The following ADAMTS9 variants were observed in gnomAD, a reference collection of about 807,000 sequenced individuals.
The protein encoded by ADAMTS9 is ADAM metallopeptidase with thrombospondin type 1 motif 9.
A neutral mutation model predicts 257.1 loss-of-function variants in ADAMTS9; 107 were observed. That is an observed-to-expected ratio of 0.42 (90% CI 0.36 to 0.49). The LOEUF is 0.49. Ranked by LOEUF, ADAMTS9 falls within the 20% of genes least tolerant of loss-of-function variation. The pLI is 0.03. For missense variants in ADAMTS9, 2,353 were observed against 2,469.1 expected (o/e 0.95, Z 1.00); for synonymous variants, 982 against 880.9 (o/e 1.11, Z -2.03).
intron 29 of ADAMTS9, chr3:64,565,911 A>T (rs1456333903): frequency 6.6e-6 from 1 of 152,216 alleles, no homozygotes; most frequent in Non-Finnish European, 1.5e-5. Context: ...AAGACACAGA[A>T]GTGAAATATT....
chr3:64,534,444 G>A (rs7625847), intron 37 of ADAMTS9, among the ~76,000 whole-genome samples: 110,917 of 152,108 alleles, frequency 0.73, 42,865 homozygotes, highest in Non-Finnish European at 0.86. Flanking sequence ...TCTCTTCAAT[G>A]TAACAGTAAG....
At chr3:64,603,241 A>G (rs2084497758) in intron 25 of ADAMTS9, among the ~76,000 whole-genome samples, 1 of 152,168 alleles carries the variant, frequency 6.6e-6, no homozygotes, top group South Asian at 2.1e-4. Context: ...CTGGGTTTTT[A>G]CAGAGCTCTG....
rs141671837 is a variant in ADAMTS9, at chr3:64,553,812, A to G, written c.4699-2750T>C. 1.4e-3 allele frequency among the ~76,000 whole-genome samples: 210 copies of G among 152,256 alleles called. 2 individuals carry two copies. Among genetic ancestry groups the G allele is most frequent in the South Asian group, 0.011 (55 of 4,818 alleles). ...GCATGGAGGAGCAGAATCATTTCAA[A>G]TTAGTGCAGGAGGCCGGCTGAGCCC... On this transcript the variant is annotated intron_variant, in intron 30 of 39. Transcript: ENST00000498707.
intron 11 of ADAMTS9, among the ~76,000 whole-genome samples, chr3:64,644,948 G>A (rs1161136544): frequency 2.0e-5 from 3 of 152,084 alleles, no homozygotes; most frequent in African/African-American, 7.2e-5. Flanking sequence ...AACTGATATG[G>A]AAATTAAATA....
chr3:64,680,414 G>T (rs1344899760), intron 3 of ADAMTS9, among the ~76,000 whole-genome samples: 1 of 152,106 alleles, frequency 6.6e-6, no homozygotes, highest in Non-Finnish European at 1.5e-5. Context: ...CCAAATTGAG[G>T]AATTATTTCA....
At chr3:64,585,943 G>A (rs1036684959) in intron 28 of ADAMTS9, among the ~76,000 whole-genome samples, 1 of 152,016 alleles carries the variant, frequency 6.6e-6, no homozygotes, top group Non-Finnish European at 1.5e-5. Flanking sequence ...AATATTAATA[G>A]TTACACTCTG....
At chr3:64,573,280 C>T (rs2083744926) in intron 28 of ADAMTS9, among the ~76,000 whole-genome samples, 1 of 151,992 alleles carries the variant, frequency 6.6e-6, no homozygotes, top group South Asian at 2.1e-4. Context: ...GATTCCCATT[C>T]CCAAGTGGTC....
rs775367607 is a variant in ADAMTS9 at position 64,686,821 on chromosome 3, G to C, written c.263C>G (p.Ser88Cys). The C allele has an allele frequency of 1.2e-6, 2 of 1,614,138 alleles. No individual in the cohort carries two copies. Among genetic ancestry groups the C allele is most frequent in the Non-Finnish European group, 8.5e-7 (1 of 1,180,014 alleles). Residue 88 changes from serine to cysteine, a missense_variant, in exon 2 of 40, where the codon TCC (serine) becomes TGC (cysteine). Coordinates refer to ENST00000498707, the MANE Select transcript of ADAMTS9 (RefSeq NM_182920.2). This position sits in a 1 kb window ranked among gnomAD's most constrained non-coding sequence, Gnocchi z 4.6. ...SATDPWPAFA[S>C]SSSSSTSSQA... Reference sequence around the variant, plus strand: ...GGAGGAGGTAGAGGAGGAAGAGGAGGAGGCGAAGGCAGGCCAGGGGTCAGT... The same window carrying C: ...GGAGGAGGTAGAGGAGGAAGAGGAGCAGGCGAAGGCAGGCCAGGGGTCAGT...
intron 28 of ADAMTS9, among the ~76,000 whole-genome samples, chr3:64,581,738 C>T (rs1482716769): frequency 6.6e-6 from 1 of 152,192 alleles, no homozygotes; most frequent in Non-Finnish European, 1.5e-5. Flanking sequence ...ATCCACTTCC[C>T]TTATGGAAAA....
At chr3:64,522,395 CAT>C in intron 38 of ADAMTS9, 135 bp from the exon 39 acceptor site, 1 of 713,576 alleles carries the variant, frequency 1.4e-6, no homozygotes. Context: ...ACATACTCAC[CAT>C]GGTCTAAAGC....
At chr3:64,556,368 C>T (rs1576013306) in intron 30 of ADAMTS9, among the ~76,000 whole-genome samples, 1 of 152,050 alleles carries the variant, frequency 6.6e-6, no homozygotes, top group South Asian at 2.1e-4. Flanking sequence ...TTGCCCAGGC[C>T]GTAGTGCAGT....
At chr3:64,683,271 CAGA>C (rs1429640408) in intron 2 of ADAMTS9, among the ~76,000 whole-genome samples, 1 of 152,158 alleles carries the variant, frequency 6.6e-6, no homozygotes, top group Non-Finnish European at 1.5e-5. Context: ...AACCAAGACA[CAGA>C]AGGAGGAAGT....
chr3:64,668,365 G>T (rs1425926692), intron 3 of ADAMTS9, among the ~76,000 whole-genome samples: 1 of 152,124 alleles, frequency 6.6e-6, no homozygotes, highest in Admixed American at 6.5e-5. Context: ...CCTGGTGACC[G>T]TATAGGATGG....
chr3:64,582,748 G>C (rs2084038315), intron 28 of ADAMTS9: 1 of 152,180 alleles, frequency 6.6e-6, no homozygotes, highest in Admixed American at 6.5e-5. Flanking sequence ...CCCCAAATAT[G>C]AATAGTGCCA....
At position 64,686,773 on chromosome 3, in the gene ADAMTS9, G is replaced by T; in HGVS notation, c.311C>A (p.Ala104Asp). 1 of 1,614,172 alleles carries T rather than the reference G, an allele frequency of 6.2e-7. No homozygotes were observed. Among genetic ancestry groups the T allele is most frequent in the Non-Finnish European group, 8.5e-7 (1 of 1,180,028 alleles). The change falls in exon 2 of 40, where the codon GCC becomes GAC. Residue 104 changes from alanine (A) to aspartate (D), a missense_variant. By Grantham distance (126) the Ala-to-Asp change is moderately radical (BLOSUM62 -2). Around this residue, in one of 3 missense-constraint regions of ADAMTS9, gnomAD observed 591 missense variants for 569.6 expected, o/e 1.04. Transcript: ENST00000498707. The surrounding 1 kb of genome is among the most constrained non-coding windows in gnomAD (Gnocchi z 4.6). ...TSSQAHYRLS[A>D]FGQQFLFNLT... is the part of the protein sequence containing the mutation. ...ATTAAATAGAAACTGCTGGCCGAAG[G>T]CAGAGAGGCGGTAATGCGCCTGGGA... is the stretch of plus-strand genomic sequence containing the variant.
rs1243048359 is a variant in ADAMTS9 at position 64,655,852 on chromosome 3, T to C, written c.993A>G (p.Pro331=). The C allele has an allele frequency of 6.4e-7, 1 of 1,568,498 alleles. No homozygotes were observed. The highest frequency in any genetic ancestry group is 2.2e-5 in the East Asian group (1 of 44,694). ...CAATATTAATTAAATTTCCAATACT[T>C]GGGTCTTTATAGATAGAGGCTACCT... ...MSIVASIYKD[P]SIGNLINIVI... is the part of the protein sequence containing the mutation. The change falls in exon 5 of 40, where the codon CCA becomes CCG. Residue 331 remains proline, a synonymous_variant. Transcript: ENST00000498707.
chr3:64,525,602 AGTATT>A (rs2082900318), intron 38 of ADAMTS9, among the ~76,000 whole-genome samples: 1 of 151,992 alleles, frequency 6.6e-6, no homozygotes, highest in South Asian at 2.1e-4. Flanking sequence ...AATAAGTTAT[AGTATT>A]TATTTTATTT....
intron 28 of ADAMTS9, among the ~76,000 whole-genome samples, chr3:64,582,039 C>T (rs2084017043): frequency 6.6e-6 from 1 of 152,106 alleles, no homozygotes; most frequent in South Asian, 2.1e-4. Flanking sequence ...GATTGATTTT[C>T]CTTCTGGGAC....
chr3:64,538,281 A>C (rs529524696), intron 37 of ADAMTS9, among the ~76,000 whole-genome samples: 1 of 152,312 alleles, frequency 6.6e-6, no homozygotes, highest in African/African-American at 2.4e-5. Flanking sequence ...CAAAGTGAGC[A>C]CTTGAGAAAG....
Sources: gnomAD v4.1 joint callset for allele counts (sites outside exome capture counted in the v4.1 genomes callset) on GRCh38, gnomAD v4.1.1 for gene constraint, gnomAD v4.1.1 regional missense constraint, Gnocchi (gnomAD v3.1) non-coding constraint, MANE v1.5 for transcripts, NCBI Gene and HGNC (gene_info 2026-07-23, HGNC 2026-07-21) for gene names.